B3GAT1: variants seen among roughly 807,000 people sequenced by gnomAD.
B3GAT1 encodes beta-1,3-glucuronyltransferase 1.
Under a neutral mutation model 28.4 loss-of-function variants are expected in B3GAT1, and 11 were observed. That is an observed-to-expected ratio of 0.39 (90% CI 0.24 to 0.64). The LOEUF (loss-of-function observed/expected upper bound fraction) is 0.64. Among genes scored for constraint, B3GAT1 ranks in the 30% least tolerant of loss-of-function variants. The pLI is 0.50. For missense variants in B3GAT1, 375 were observed against 491.0 expected (o/e 0.76, Z 2.23); for synonymous variants, 255 against 223.1 (o/e 1.14, Z -1.27).
chr11:134,387,824 T>C lies in B3GAT1; in HGVS notation c.-165A>G, dbSNP rs1414236282. On this transcript the variant is annotated 5_prime_UTR_variant, in exon 2 of 6. Coordinates refer to ENST00000312527, the MANE Select transcript of B3GAT1 (RefSeq NM_054025.3). ...CAGCTGAATGTTGGCTAGCAGGTCT[T>C]ACCAGCACTCACAACCCACCCATTG... 3.9e-6 allele frequency: 6 copies of C among 1,533,188 alleles called. No homozygotes were observed. In the East Asian group the frequency reaches 1.5e-4, roughly 38 times the overall value. The allele number at this position is 1,533,188 out of a possible 1,614,324, so 95.0% of individuals were successfully genotyped here.
At chr11:134,392,850 T>C (rs370474385) in intron 1 of B3GAT1, among the ~76,000 whole-genome samples, 1 of 152,224 alleles carries the variant, frequency 6.6e-6, no homozygotes, top group Non-Finnish European at 1.5e-5. Context: ...GGTTTTCTTC[T>C]GAGCCTGCAG....
chr11:134,403,151 A>C (rs1405186457), intron 1 of B3GAT1, among the ~76,000 whole-genome samples: 4 of 152,096 alleles, frequency 2.6e-5, no homozygotes, highest in Non-Finnish European at 5.9e-5. Flanking sequence ...TCCACCACCG[A>C]CATGTAGCCC....
chr11:134,411,946 G>T lies in B3GAT1; in HGVS notation c.-421C>A. 6.7e-6 allele frequency: 1 copy of T among 149,664 alleles called. No homozygotes were observed. The highest frequency in any genetic ancestry group is 2.0e-4 in the South Asian group (1 of 5,080). 9.3% of individuals were successfully genotyped at this position (149,664 alleles called of 1,614,324 possible). On this transcript the variant is annotated 5_prime_UTR_variant, in exon 1 of 6. Coordinates refer to ENST00000312527, the MANE Select transcript of B3GAT1 (RefSeq NM_054025.3). This position sits in a 1 kb window ranked among gnomAD's most constrained non-coding sequence, Gnocchi z 6.0. ...GGGGACTGTCGGGCTCCGGGCCCCCGGGGGCCACTTCATAGCCGCGGGGTC... is the reference window on the plus strand; with the variant it reads ...GGGGACTGTCGGGCTCCGGGCCCCCTGGGGCCACTTCATAGCCGCGGGGTC...
At chr11:134,404,889 C>T (rs573440325) in intron 1 of B3GAT1, among the ~76,000 whole-genome samples, 14 of 152,326 alleles carry the variant, frequency 9.2e-5, no homozygotes, top group African/African-American at 2.2e-4. Context: ...GCAGCTCGCC[C>T]GGAGGCTGTA....
intron 1 of B3GAT1, among the ~76,000 whole-genome samples, chr11:134,410,554 A>G (rs1419117194): frequency 1.3e-5 from 2 of 152,226 alleles, no homozygotes; most frequent in Non-Finnish European, 2.9e-5. Context: ...CCCCATGGGA[A>G]GAAAGGGAAG....
intron 4 of B3GAT1, 117 bp from the exon 5 acceptor site, chr11:134,382,141 G>C: frequency 1.3e-6 from 1 of 782,476 alleles, no homozygotes; most frequent in Non-Finnish European, 2.1e-6. Context: ...TCCTTCGAGA[G>C]TTTTTCAATT....
At chr11:134,406,029 G>A (rs1029230690) in intron 1 of B3GAT1, among the ~76,000 whole-genome samples, 3 of 152,244 alleles carry the variant, frequency 2.0e-5, no homozygotes, top group Non-Finnish European at 4.4e-5. Flanking sequence ...TGTCTTAGAC[G>A]AGGAAACTGA....
chr11:134,396,610 T>C (rs565628755), intron 1 of B3GAT1, among the ~76,000 whole-genome samples: 6 of 151,310 alleles, frequency 4.0e-5, no homozygotes, highest in Non-Finnish European at 7.4e-5. Flanking sequence ...ACCACTAGGC[T>C]GTCAGGATAA....
At chr11:134,382,138 A>T in intron 4 of B3GAT1, 114 bp from the exon 5 acceptor site, 1 of 804,612 alleles carries the variant, frequency 1.2e-6, no homozygotes, top group Non-Finnish European at 2.0e-6. Flanking sequence ...TTTTCCTTCG[A>T]GAGTTTTTCA....
rs537108710 is a variant in B3GAT1, at chr11:134,383,906, C to T, written c.395G>A (p.Arg132His). 59 of 1,595,634 alleles carry T rather than the reference C, an allele frequency of 3.7e-5. No individual in the cohort carries two copies. Among genetic ancestry groups the T allele is most frequent in the Non-Finnish European group, 4.5e-5 (53 of 1,175,584 alleles). Residue 132 changes from arginine to histidine, a missense_variant, in exon 3 of 6, where the codon CGC becomes CAC. Coordinates refer to ENST00000312527, the MANE Select transcript of B3GAT1 (RefSeq NM_054025.3). ...DAPRRTPLTA[R>H]LLRDTGLNYT... ...GTTGAGGCCGGTGTCGCGCAGCAGG[C>T]GCGCGGTCAGCGGCGTCCGGCGCGG... is the stretch of plus-strand genomic sequence containing the variant.
At position 134,384,463 on chromosome 11, in the gene B3GAT1, CA is replaced by C. The variant is rs1348347705; in HGVS notation, c.113-276del. ...TATTTGAGCGCAGTTGCCCATATTC[CA>C]AGATTGCATCCTCAGTTCCTGAATG... On this transcript the variant is annotated intron_variant, in intron 2 of 5. Coordinates refer to ENST00000312527, the MANE Select transcript of B3GAT1 (RefSeq NM_054025.3). The C allele has an allele frequency of 1.3e-5, 6 of 470,694 alleles. No individual in the cohort carries two copies. In the Admixed American group the frequency reaches 2.2e-4, roughly 17 times the overall value. 29.2% of individuals were successfully genotyped at this position (470,694 alleles called of 1,614,324 possible). A position where few individuals can be genotyped will look rare whatever the true frequency, so the allele number is the denominator to read the frequency against.
At chr11:134,402,750 T>G (rs1229890760) in intron 1 of B3GAT1, among the ~76,000 whole-genome samples, 1 of 151,996 alleles carries the variant, frequency 6.6e-6, no homozygotes, top group African/African-American at 2.4e-5. Flanking sequence ...CTGTCTCTAC[T>G]GAAAATACAA....
At position 134,382,937 on chromosome 11, in the gene B3GAT1, G is replaced by A. The variant is rs765729898; in HGVS notation, c.691C>T (p.Arg231Trp). ...FVGGLRYEAPRVNGAGKVVGW... is the reference protein window; with the variant it reads ...FVGGLRYEAPWVNGAGKVVGW... ...ACCACCTTCCCTGCCCCGTTCACCC[G>A]TGGGGCCTCGTACCGCAGGCCACCC... Residue 231 changes from arginine (R) to tryptophan (W), a missense_variant, in exon 4 of 6, where the codon CGG becomes TGG. Coordinates refer to ENST00000312527, the MANE Select transcript of B3GAT1 (RefSeq NM_054025.3). 25 of 1,608,870 alleles carry A rather than the reference G, an allele frequency of 1.6e-5. No homozygotes were observed. Among genetic ancestry groups the A allele is most frequent in the Non-Finnish European group, 2.0e-5 (23 of 1,177,700 alleles).
intron 1 of B3GAT1, among the ~76,000 whole-genome samples, chr11:134,401,585 G>T (rs952794120): frequency 1.2e-4 from 18 of 151,928 alleles, no homozygotes; most frequent in African/African-American, 4.1e-4. Context: ...GAGGGAGGAA[G>T]AAGGGAGGGG....
chr11:134,383,061 C>T (rs1020447818), intron 3 of B3GAT1, 55 bp from the exon 4 acceptor site: 18 of 1,478,142 alleles, frequency 1.2e-5, no homozygotes, highest in East Asian at 7.4e-5. Flanking sequence ...AGGACGGCCG[C>T]GCGTGCCCAA....
rs888304360 is a variant in B3GAT1 at position 134,393,706 on chromosome 11, G to A, written c.-281-5766C>T. On this transcript the variant is annotated intron_variant, in intron 1 of 5. Transcript: ENST00000312527. The surrounding 1 kb of genome is among the most constrained non-coding windows in gnomAD (Gnocchi z 4.0). ...GAGTGCTGTGAACAGGCTGGGAACC[G>A]GCGTCACTGACTCTTGAGGGCGTGG... 5.3e-5 allele frequency among the ~76,000 whole-genome samples: 8 copies of A among 152,292 alleles called. No homozygotes were observed. The highest frequency in any genetic ancestry group is 6.8e-3 in the Middle Eastern group (2 of 294).
Position 134,383,871 on chromosome 11 carries a change from G to A in B3GAT1, c.430C>T (p.Leu144=), listed in dbSNP as rs1436019561. 1 of 1,596,904 alleles carries A rather than the reference G, an allele frequency of 6.3e-7. No individual in the cohort carries two copies. Among genetic ancestry groups the A allele is most frequent in the Non-Finnish European group, 8.5e-7 (1 of 1,175,082 alleles). ...LRDTGLNYTH[L]HVETPRNYKL... ...TAGTTGCGGGGCGTCTCCACGTGCA[G>A]GTGCGTGTAGTTGAGGCCGGTGTCG... The change falls in exon 3 of 6, where the codon CTG becomes TTG. Residue 144 remains leucine, a synonymous_variant. Coordinates refer to ENST00000312527, the MANE Select transcript of B3GAT1 (RefSeq NM_054025.3).
intron 1 of B3GAT1, chr11:134,388,242 T>G (rs1944338720): frequency 4.1e-6 from 1 of 242,060 alleles, no homozygotes; most frequent in Non-Finnish European, 8.5e-6. Flanking sequence ...TGTAAGACCT[T>G]TGCCAAGTCA....
At position 134,393,854 on chromosome 11, in the gene B3GAT1, AC is replaced by A. The variant is rs1202469949; in HGVS notation, c.-281-5915del. On this transcript the variant is annotated intron_variant, in intron 1 of 5. Transcript: ENST00000312527. This position sits in a 1 kb window ranked among gnomAD's most constrained non-coding sequence, Gnocchi z 4.0. ...AGCTGCTGTTCATATCATCTCTGTC[AC>A]CCAGGAACCCCAGTGCCCCCAAAGA... is the stretch of plus-strand genomic sequence containing the variant. Among the ~76,000 whole-genome samples, 3 of 152,150 alleles carry A rather than the reference AC, an allele frequency of 2.0e-5. No homozygotes were observed. The highest frequency in any genetic ancestry group is 7.2e-5 in the African/African-American group (3 of 41,432).
Sources: allele counts gnomAD v4.1 joint callset (sites outside exome capture counted in the v4.1 genomes callset), GRCh38; gene constraint gnomAD v4.1.1; non-coding constraint Gnocchi (gnomAD v3.1); transcripts MANE v1.5; gene names NCBI Gene and HGNC (gene_info 2026-07-23, HGNC 2026-07-21).